Variants in DCAF1 observed in about 807,000 individuals in gnomAD.
DCAF1 encodes the protein DDB1 and CUL4 associated factor 1.
Under a neutral mutation model 128.0 loss-of-function variants are expected in DCAF1, and 15 were observed. The ratio of observed to expected loss-of-function variants is 0.12; its 90% CI spans 0.08 to 0.18. The LOEUF (loss-of-function observed/expected upper bound fraction) is 0.18. DCAF1 is among the 10% of genes least tolerant of loss of function. The pLI, the probability that DCAF1 is intolerant of heterozygous loss-of-function variation, is 1.00. For missense variants in DCAF1, 988 were observed against 1,649.5 expected, an observed-to-expected ratio of 0.60 and a Z score of 6.95; for synonymous variants, 610 against 603.0, an observed-to-expected ratio of 1.01 and a Z score of -0.17.
upstream of DCAF1, among the ~76,000 whole-genome samples, chr3:51,500,346 T>C (rs1218681936): frequency 3.3e-5 from 5 of 152,064 alleles, no homozygotes; most frequent in Admixed American, 6.6e-5. Context: ...AGCCAATCCT[T>C]CTAAGACAGT....
intron 3 of DCAF1, among the ~76,000 whole-genome samples, chr3:51,474,447 GAGTT>G (rs1395326188): frequency 6.6e-6 from 1 of 152,060 alleles, no homozygotes; most frequent in African/African-American, 2.4e-5. Flanking sequence ...AAATATAAAA[GAGTT>G]AAACTCTCTG....
chr3:51,440,416 C>T (rs1553638306), intron 9 of DCAF1, among the ~76,000 whole-genome samples: 1 of 152,114 alleles, frequency 6.6e-6, no homozygotes, highest in Non-Finnish European at 1.5e-5. Flanking sequence ...TAAGACCAGC[C>T]TGGGCAACAT....
At chr3:51,418,625 C>G in intron 16 of DCAF1, 53 bp downstream of exon 16, 1 of 1,558,978 alleles carries the variant, frequency 6.4e-7, no homozygotes, top group Non-Finnish European at 8.7e-7. Context: ...TACTCTAGTT[C>G]ACCAATTCAT....
chr3:51,456,620 G>A (rs1553642897), intron 6 of DCAF1, among the ~76,000 whole-genome samples: 4 of 152,194 alleles, frequency 2.6e-5, no homozygotes, highest in African/African-American at 9.6e-5. Context: ...GCCTCCTCAA[G>A]TGGGTCCCTG....
At chr3:51,498,029 A>G (rs1348276664) in intron 1 of DCAF1, among the ~76,000 whole-genome samples, 4 of 126,072 alleles carry the variant, frequency 3.2e-5, no homozygotes, top group Admixed American at 9.8e-5. Context: ...CAGCCTGGGC[A>G]ACACAGTGAG....
In DCAF1 at chr3:51,413,435, C is replaced by A. The variant is rs781922166; in HGVS notation, c.3932-49G>T. ...ACACTATTAGGAATCACAAACATCCCCTCTTCACAAGTGCAGAAAATGTTA... is the reference window on the plus strand; with the variant it reads ...ACACTATTAGGAATCACAAACATCCACTCTTCACAAGTGCAGAAAATGTTA... On this transcript the variant is annotated intron_variant, in intron 20 of 24. Transcript: ENST00000684031. The A allele has an allele frequency of 1.9e-6, 3 of 1,575,090 alleles. No individual in the cohort carries two copies. In the Admixed American group the frequency reaches 5.6e-5, roughly 29 times the overall value.
intron 3 of DCAF1, among the ~76,000 whole-genome samples, chr3:51,483,099 A>G (rs1706441995): frequency 1.4e-5 from 2 of 145,018 alleles, no homozygotes; most frequent in Non-Finnish European, 3.0e-5. Flanking sequence ...AGATCACGCC[A>G]TTGCACTCTA....
intron 6 of DCAF1, among the ~76,000 whole-genome samples, chr3:51,446,866 C>A (rs906284748): frequency 2.7e-5 from 4 of 150,452 alleles, no homozygotes; most frequent in African/African-American, 9.8e-5. Context: ...AAGGCTGAGG[C>A]AGGAGAATCG....
downstream of DCAF1, chr3:51,395,925 C>T: frequency 2.4e-6 from 1 of 413,460 alleles, no homozygotes; most frequent in Non-Finnish European, 4.4e-6. Flanking sequence ...GAGCTGTGGT[C>T]ACAGCTGCCA....
intron 3 of DCAF1, among the ~76,000 whole-genome samples, chr3:51,479,825 T>A (rs1055162997): frequency 6.6e-6 from 1 of 151,982 alleles, no homozygotes; most frequent in Admixed American, 6.6e-5. Flanking sequence ...AATAAAATTA[T>A]AGTACAATGT....
intron 2 of DCAF1, among the ~76,000 whole-genome samples, chr3:51,487,134 G>A (rs1393942703): frequency 1.3e-5 from 2 of 151,544 alleles, no homozygotes; most frequent in Admixed American, 1.3e-4. Context: ...ACCACACCCA[G>A]CTAATTTTTG....
At position 51,440,443 on chromosome 3, in the gene DCAF1, T is replaced by C. The variant is rs145591955; in HGVS notation, c.1128+527A>G. ...GGGCAACATAGCAAGACTATCTCTA[T>C]AAAAATTTTTTTTAAATTAGCTAAG... is the stretch of plus-strand genomic sequence containing the variant. On this transcript the variant is annotated intron_variant, in intron 9 of 24. Transcript: ENST00000684031. Among the ~76,000 whole-genome samples the C allele has an allele frequency of 2.8e-4, 43 of 152,246 alleles. 1 individual carries two copies. The highest frequency in any genetic ancestry group is 1.0e-3 in the African/African-American group (43 of 41,554).
At chr3:51,441,095 T>G (rs782436504) in intron 8 of DCAF1, 24 bp from the exon 9 acceptor site, 36 of 1,586,222 alleles carry the variant, frequency 2.3e-5, no homozygotes, top group Non-Finnish European at 1.3e-5. Context: ...CAAATACAAG[T>G]CTTAAATTTT....
At chr3:51,455,638 C>A (rs1702814953) in intron 6 of DCAF1, among the ~76,000 whole-genome samples, 1 of 150,798 alleles carries the variant, frequency 6.6e-6, no homozygotes, top group Non-Finnish European at 1.5e-5. Flanking sequence ...GTGGCTCACA[C>A]CTGTAATCCC....
At chr3:51,416,709 C>G in intron 18 of DCAF1, 78 bp downstream of exon 18, 1 of 1,543,212 alleles carries the variant, frequency 6.5e-7, no homozygotes, top group Non-Finnish European at 8.8e-7. Flanking sequence ...GACTTAGGTC[C>G]TCACATTCTA....
chr3:51,403,096 C>A, intron 24 of DCAF1, 47 bp downstream of exon 24: 2 of 1,560,092 alleles, frequency 1.3e-6, no homozygotes, highest in Non-Finnish European at 1.7e-6. Flanking sequence ...AAGAAGGGAT[C>A]TTGCCCTGGG....
intron 3 of DCAF1, among the ~76,000 whole-genome samples, chr3:51,480,875 TA>T (rs1376398483): frequency 6.6e-6 from 1 of 152,168 alleles, no homozygotes; most frequent in Non-Finnish European, 1.5e-5. Flanking sequence ...CACTAAATTG[TA>T]AAATTCTTGA....
At chr3:51,425,617 C>T (rs1699843329) in intron 13 of DCAF1, among the ~76,000 whole-genome samples, 1 of 122,206 alleles carries the variant, frequency 8.2e-6, no homozygotes, top group Non-Finnish European at 1.6e-5. Context: ...GGCTAAAGTG[C>T]AGTGGCACCA....
At chr3:51,424,117 A>C (rs1359689837) in intron 13 of DCAF1, among the ~76,000 whole-genome samples, 2 of 152,024 alleles carry the variant, frequency 1.3e-5, no homozygotes, top group African/African-American at 4.8e-5. Context: ...GAAATGTTGG[A>C]TGTCTTTTGT....
Sources: gnomAD v4.1 joint callset for allele counts (sites outside exome capture counted in the v4.1 genomes callset) on GRCh38, gnomAD v4.1.1 for gene constraint, MANE v1.5 for transcripts, NCBI Gene and HGNC (gene_info 2026-07-23, HGNC 2026-07-21) for gene names.